The following WWOX variants were observed in gnomAD, a reference collection of about 807,000 sequenced individuals.
WWOX encodes the protein WW domain containing oxidoreductase.
Under a neutral mutation model 46.2 loss-of-function variants are expected in WWOX, and 69 were observed. That is an observed-to-expected ratio of 1.49 (90% confidence interval 1.23 to 1.82). The LOEUF is 1.82. Among genes scored for constraint, WWOX ranks in the 40% most tolerant of loss-of-function variants. WWOX has a pLI of 0.00. For missense variants in WWOX, 919 were observed against 542.6 expected (o/e 1.69, Z -6.89); for synonymous variants, 359 against 202.6 (o/e 1.77, Z -6.56).
intron 5 of WWOX, among the ~76,000 whole-genome samples, chr16:78,298,658 G>A (rs1207999457): frequency 2.0e-5 from 3 of 152,092 alleles, no homozygotes; most frequent in Non-Finnish European, 2.9e-5. Flanking sequence ...ACGCTTAGTG[G>A]CACATGCCTG....
chr16:78,148,142 C>T (rs780142840), intron 4 of WWOX, among the ~76,000 whole-genome samples: 117 of 152,192 alleles, frequency 7.7e-4, no homozygotes, highest in Non-Finnish European at 1.4e-3. Flanking sequence ...TTCCCTTCTT[C>T]TCTTGAAGTG....
chr16:78,979,357 A>C (rs2046635910), intron 8 of WWOX, among the ~76,000 whole-genome samples: 1 of 152,122 alleles, frequency 6.6e-6, no homozygotes, highest in Non-Finnish European at 1.5e-5. Flanking sequence ...TTTGGCTCCA[A>C]GTGAAAACTG....
chr16:79,177,709 C>G (rs1403848023), intron 8 of WWOX, among the ~76,000 whole-genome samples: 2 of 152,142 alleles, frequency 1.3e-5, no homozygotes, highest in African/African-American at 2.4e-5. Context: ...ATTCAGTAGT[C>G]CCAGCCTTAC....
At chr16:78,483,636 C>A (rs1005413084) in intron 8 of WWOX, among the ~76,000 whole-genome samples, 9 of 152,028 alleles carry the variant, frequency 5.9e-5, no homozygotes, top group African/African-American at 2.2e-4. Flanking sequence ...TGGGCTGCAT[C>A]GCTTACCAAT....
intron 6 of WWOX, among the ~76,000 whole-genome samples, chr16:78,411,516 C>T (rs1461431040): frequency 6.6e-6 from 1 of 152,132 alleles, no homozygotes; most frequent in Non-Finnish European, 1.5e-5. Flanking sequence ...GGATGATTCA[C>T]CTGCCTGGAG....
intron 4 of WWOX, among the ~76,000 whole-genome samples, chr16:78,124,747 G>A (rs1488630897): frequency 6.6e-6 from 1 of 152,172 alleles, no homozygotes; most frequent in African/African-American, 2.4e-5. Context: ...TGAGTTATTT[G>A]CTCACCAGGC....
chr16:78,691,517 G>C (rs142520345), intron 8 of WWOX, among the ~76,000 whole-genome samples: 14 of 152,036 alleles, frequency 9.2e-5, no homozygotes, highest in African/African-American at 3.4e-4. Flanking sequence ...GACCAGTCTG[G>C]GCAACAACGT....
chr16:79,110,297 C>G (rs2049392427), intron 8 of WWOX, among the ~76,000 whole-genome samples: 1 of 152,148 alleles, frequency 6.6e-6, no homozygotes, highest in Non-Finnish European at 1.5e-5. Flanking sequence ...CCCGCCACCT[C>G]TTCTCCTCTT....
At chr16:78,894,368 A>G (rs1480355033) in intron 8 of WWOX, among the ~76,000 whole-genome samples, 1 of 152,202 alleles carries the variant, frequency 6.6e-6, no homozygotes, top group African/African-American at 2.4e-5. Context: ...ATACACCTCC[A>G]AGTATAATAT....
At chr16:78,754,904 C>G (rs1174274036) in intron 8 of WWOX, among the ~76,000 whole-genome samples, 1 of 152,044 alleles carries the variant, frequency 6.6e-6, no homozygotes, top group Non-Finnish European at 1.5e-5. Flanking sequence ...CCATTATCTG[C>G]AGGGGTGGTA....
chr16:78,323,289 T>G (rs985182666), intron 5 of WWOX, among the ~76,000 whole-genome samples: 2 of 152,052 alleles, frequency 1.3e-5, no homozygotes, highest in African/African-American at 2.4e-5. Context: ...TTATTTTTAG[T>G]AGAAACGGGG....
Position 78,395,105 on chromosome 16 carries a change from C to G in WWOX, c.605+8157C>G, listed in dbSNP as rs751201732. ...TTTCTCATCTTGATCGTAAAATGATCTTAGAAAGGTTTCTGAGAATATATA... is the reference window on the plus strand; with the variant it reads ...TTTCTCATCTTGATCGTAAAATGATGTTAGAAAGGTTTCTGAGAATATATA... On this transcript the variant is annotated intron_variant, in intron 6 of 8. Transcript: ENST00000566780. 7.9e-5 allele frequency among the ~76,000 whole-genome samples: 12 copies of G among 152,182 alleles called. No homozygotes were observed. In the East Asian group the frequency reaches 2.3e-3, roughly 29 times the overall value.
At chr16:78,944,263 C>A (rs1476816138) in intron 8 of WWOX, among the ~76,000 whole-genome samples, 1 of 152,100 alleles carries the variant, frequency 6.6e-6, no homozygotes, top group African/African-American at 2.4e-5. Flanking sequence ...GTAACTCTCC[C>A]CTACTTTATC....
chr16:78,919,699 G>A (rs1169060801), intron 8 of WWOX, among the ~76,000 whole-genome samples: 2 of 151,776 alleles, frequency 1.3e-5, no homozygotes, highest in East Asian at 1.9e-4. Flanking sequence ...TGTATTTTTA[G>A]GAGAGAGGGG....
intron 5 of WWOX, among the ~76,000 whole-genome samples, chr16:78,324,720 A>T (rs1024366638): frequency 5.0e-5 from 7 of 140,664 alleles, no homozygotes; most frequent in Non-Finnish European, 9.2e-5. Flanking sequence ...CCGTTCTGTG[A>T]TATGTCCAGA....
intron 8 of WWOX, among the ~76,000 whole-genome samples, chr16:79,171,280 A>G (rs1388820144): frequency 2.6e-5 from 4 of 152,196 alleles, no homozygotes; most frequent in East Asian, 1.9e-4. Flanking sequence ...TATTCTGATA[A>G]TGGCTTTCAA....
intron 8 of WWOX, among the ~76,000 whole-genome samples, chr16:79,038,145 C>T (rs1487483203): frequency 2.6e-5 from 4 of 152,100 alleles, no homozygotes; most frequent in East Asian, 1.9e-4. Flanking sequence ...CCCCGTGAAC[C>T]CCAGGACAGG....
intron 6 of WWOX, among the ~76,000 whole-genome samples, chr16:78,394,203 A>G (rs1298331384): frequency 6.6e-6 from 1 of 152,206 alleles, no homozygotes; most frequent in Non-Finnish European, 1.5e-5. Flanking sequence ...TTGGCTCAAT[A>G]TGAGAAATCC....
At chr16:78,118,557 G>A (rs918180334) in intron 4 of WWOX, among the ~76,000 whole-genome samples, 8 of 152,214 alleles carry the variant, frequency 5.3e-5, no homozygotes, top group African/African-American at 1.9e-4. Flanking sequence ...TTCCTATAAT[G>A]TTGAACTACT....
Sources: gnomAD v4.1 joint callset for allele counts (sites outside exome capture counted in the v4.1 genomes callset) on GRCh38, gnomAD v4.1.1 for gene constraint, MANE v1.5 for transcripts, NCBI Gene and HGNC (gene_info 2026-07-23, HGNC 2026-07-21) for gene names.